The following STK3 variants were observed in gnomAD, a reference collection of about 807,000 sequenced individuals.
The protein encoded by STK3 is serine/threonine kinase 3, also known as serine/threonine-protein kinase 3.
In STK3, 41 loss-of-function variants were observed where a neutral mutation model predicts 58.0. The ratio of observed to expected loss-of-function variants is 0.71; its 90% CI spans 0.55 to 0.92. The LOEUF is 0.92. Ranked by LOEUF, STK3 falls within the 40% of genes least tolerant of loss-of-function variation. The pLI is 0.00. For missense variants in STK3, 479 were observed against 602.7 expected (o/e 0.79, Z 2.15); for synonymous variants, 170 against 191.0 (o/e 0.89, Z 0.91).
chr8:98,569,842 T>C (rs1474943594), intron 8 of STK3, among the ~76,000 whole-genome samples: 2 of 151,240 alleles, frequency 1.3e-5, no homozygotes, highest in Non-Finnish European at 3.0e-5. Flanking sequence ...TAAATAAAAT[T>C]TACTTTTTAC....
chr8:98,666,063 C>T (rs1822336798), intron 6 of STK3, among the ~76,000 whole-genome samples: 1 of 151,996 alleles, frequency 6.6e-6, no homozygotes, highest in African/African-American at 2.4e-5. Context: ...AAATGATGGA[C>T]ACTGTCAAGA....
chr8:98,729,989 T>C (rs537112804), intron 4 of STK3, among the ~76,000 whole-genome samples: 4 of 152,338 alleles, frequency 2.6e-5, no homozygotes, highest in East Asian at 1.9e-4. Flanking sequence ...TCTTACCTCA[T>C]AGAGTTCTCC....
chr8:98,518,291 G>T (rs1825091011), intron 10 of STK3, among the ~76,000 whole-genome samples: 1 of 152,000 alleles, frequency 6.6e-6, no homozygotes, highest in Non-Finnish European at 1.5e-5. Context: ...TAAATAAGCA[G>T]AATTAGCTTA....
At chr8:98,493,114 C>G (rs1469665081) in intron 10 of STK3, among the ~76,000 whole-genome samples, 1 of 150,546 alleles carries the variant, frequency 6.6e-6, no homozygotes. Flanking sequence ...CACCTGTAGT[C>G]CCAGCTACTT....
At chr8:98,819,383 A>G (rs1834749774) in intron 1 of STK3, among the ~76,000 whole-genome samples, 1 of 152,118 alleles carries the variant, frequency 6.6e-6, no homozygotes, top group Non-Finnish European at 1.5e-5. Context: ...TTGACATGCA[A>G]CAGAAGTTTG....
rs115376141 is a variant in STK3, at chr8:98,410,406, T to C, written n.484-8893A>G. ...ATGTGGCCCTATCTGTGACCCTTTA[T>C]CTGTCTGCCTTGCTCAAAGCTGTAT... On this transcript the variant is annotated intron_variant and non_coding_transcript_variant, in intron 3 of 3. Coordinates refer to the STK3 transcript ENST00000517832. 4.1e-3 allele frequency among the ~76,000 whole-genome samples: 623 copies of C among 152,284 alleles called. 3 individuals carry two copies. Among genetic ancestry groups the C allele is most frequent in the African/African-American group, 0.014 (593 of 41,568 alleles).
intron 8 of STK3, among the ~76,000 whole-genome samples, chr8:98,562,464 GC>G (rs1317714291): frequency 6.6e-6 from 1 of 151,974 alleles, no homozygotes; most frequent in African/African-American, 2.4e-5. Context: ...TTCTGGAAAA[GC>G]CAAAACTATA....
chr8:98,496,940 A>C (rs1219406810), intron 10 of STK3, among the ~76,000 whole-genome samples: 1 of 152,118 alleles, frequency 6.6e-6, no homozygotes, highest in Non-Finnish European at 1.5e-5. Flanking sequence ...AAATGATGAA[A>C]ATGGCAAATT....
At chr8:98,548,633 C>T (rs1052613916) in intron 8 of STK3, among the ~76,000 whole-genome samples, 6 of 152,028 alleles carry the variant, frequency 3.9e-5, no homozygotes, top group Admixed American at 1.3e-4. Flanking sequence ...ACCATTTTAG[C>T]AATTTTTAAG....
chr8:98,923,097 A>T (rs1242164817), intron 1 of STK3, among the ~76,000 whole-genome samples: 1 of 152,256 alleles, frequency 6.6e-6, no homozygotes, highest in East Asian at 1.9e-4. Flanking sequence ...AATTAAAAAG[A>T]AATGTGGAGC....
At chr8:98,548,452 C>A (rs1810897243) in intron 8 of STK3, among the ~76,000 whole-genome samples, 2 of 152,134 alleles carry the variant, frequency 1.3e-5, no homozygotes, top group East Asian at 1.9e-4. Context: ...AAATGCATAA[C>A]AAAGAATATG....
chr8:98,924,360 C>G lies in STK3; in HGVS notation c.-79+18018G>C, dbSNP rs771283519. 2.0e-5 allele frequency among the ~76,000 whole-genome samples: 3 copies of G among 152,168 alleles called. No individual in the cohort carries two copies. In the South Asian group the frequency reaches 6.2e-4, roughly 31 times the overall value. On this transcript the variant is annotated intron_variant, in intron 1 of 1. Transcript: ENST00000519420. ...ACTGGTTATATAAAGGCTTTATGTA[C>G]ACAGGAAAAAGAAATGACAAGGTTG...
chr8:98,469,319 C>G (rs1234609619), intron 10 of STK3, among the ~76,000 whole-genome samples: 1 of 151,228 alleles, frequency 6.6e-6, no homozygotes, highest in African/African-American at 2.4e-5. Flanking sequence ...TCGGTATCAA[C>G]TAATTTAATA....
chr8:98,450,486 A>G (rs1430403559), downstream of STK3, among the ~76,000 whole-genome samples: 1 of 152,224 alleles, frequency 6.6e-6, no homozygotes, highest in African/African-American at 2.4e-5. Context: ...CCAAGACAAC[A>G]AAAGTGCAAA....
chr8:98,464,268 GT>G (rs2131184292), intron 10 of STK3, among the ~76,000 whole-genome samples: 1 of 152,246 alleles, frequency 6.6e-6, no homozygotes, highest in South Asian at 2.1e-4. Flanking sequence ...ACTGTTTTGA[GT>G]TTCTTGTGGC....
chr8:98,927,495 G>A (rs1259568841), intron 1 of STK3, among the ~76,000 whole-genome samples: 1 of 152,194 alleles, frequency 6.6e-6, no homozygotes, highest in Non-Finnish European at 1.5e-5. Context: ...TACTACTAGT[G>A]TTTATTGAGT....
At chr8:98,831,268 A>T (rs1015673324) in intron 3 of STK3, among the ~76,000 whole-genome samples, 1 of 152,200 alleles carries the variant, frequency 6.6e-6, no homozygotes, top group Non-Finnish European at 1.5e-5. Flanking sequence ...GCAGCTATTC[A>T]TTGAAACTAC....
rs1004961897 is a variant in STK3, at chr8:98,422,393, T to C, written n.483+11734A>G. ...GTCTCGCTCTCCTGCCTCCCTCATC[T>C]CCAGGCCTGCCTCCATCCCCAGCAA... On this transcript the variant is annotated intron_variant and non_coding_transcript_variant, in intron 3 of 3. Coordinates refer to the STK3 transcript ENST00000517832. Among the ~76,000 whole-genome samples, 21 of 151,852 alleles carry C rather than the reference T, an allele frequency of 1.4e-4. 1 individual carries two copies. Among genetic ancestry groups the C allele is most frequent in the Admixed American group, 1.3e-4 (2 of 15,240 alleles).
rs368523757 is a variant in STK3 at position 98,728,666 on chromosome 8, T to C, written c.351+20610A>G. Among the ~76,000 whole-genome samples the C allele has an allele frequency of 7.2e-5, 11 of 152,192 alleles. No homozygotes were observed. In the East Asian group the frequency reaches 1.9e-3, roughly 27 times the overall value. On this transcript the variant is annotated intron_variant, in intron 4 of 10. Coordinates refer to ENST00000419617, the MANE Select transcript of STK3 (RefSeq NM_006281.4). ...ACAACAGAAAAGCACTCAATATATA[T>C]GGAGTTGTAAATCCAGTATGAACCA... is the stretch of plus-strand genomic sequence containing the variant.
Sources: gnomAD v4.1 joint callset for allele counts (sites outside exome capture counted in the v4.1 genomes callset) on GRCh38, gnomAD v4.1.1 for gene constraint, MANE v1.5 for transcripts, NCBI Gene and HGNC (gene_info 2026-07-23, HGNC 2026-07-21) for gene names.